The following TLE1 variants were observed in gnomAD, a reference collection of about 807,000 sequenced individuals.
TLE1 encodes the protein TLE family member 1, transcriptional corepressor, also known as transducin-like enhancer protein 1.
In TLE1, 21 loss-of-function variants were observed where a neutral mutation model predicts 89.8. The ratio of observed to expected loss-of-function variants is 0.23; its 90% CI spans 0.17 to 0.34. The LOEUF (loss-of-function observed/expected upper bound fraction) is 0.34, where lower values mean the gene tolerates loss of function less well. Ranked by LOEUF, TLE1 falls within the 10% of genes least tolerant of loss-of-function variation. TLE1 has a pLI of 1.00. For missense variants in TLE1, 795 were observed against 1,031.2 expected, an observed-to-expected ratio of 0.77 and a Z score of 3.14; for synonymous variants, 447 against 407.6, an observed-to-expected ratio of 1.10 and a Z score of -1.16.
chr9:81,585,784 G>T (rs1828321545), intron 17 of TLE1, 129 bp from the exon 18 acceptor site: 2 of 1,161,078 alleles, frequency 1.7e-6, no homozygotes, highest in South Asian at 1.6e-5. Flanking sequence ...CTGTGGGGAG[G>T]TCCACAGGGC....
At chr9:81,662,408 T>C (rs991351418) in intron 4 of TLE1, among the ~76,000 whole-genome samples, 2 of 146,882 alleles carry the variant, frequency 1.4e-5, no homozygotes, top group African/African-American at 2.5e-5. Flanking sequence ...TGTGTGTGTT[T>C]AAAGGGCCAG....
intron 6 of TLE1, among the ~76,000 whole-genome samples, chr9:81,647,683 G>A (rs1829022981): frequency 1.3e-5 from 2 of 152,178 alleles, no homozygotes; most frequent in African/African-American, 2.4e-5. Context: ...AGGGTGGGAA[G>A]GTAGACGGTA....
intron 8 of TLE1, among the ~76,000 whole-genome samples, chr9:81,628,977 C>T (rs1826240664): frequency 6.6e-6 from 1 of 152,190 alleles, no homozygotes; most frequent in African/African-American, 2.4e-5. Flanking sequence ...TATACACCGT[C>T]TGCTCTGGAG....
chr9:81,587,092 T>A (rs1191829926), intron 17 of TLE1, among the ~76,000 whole-genome samples: 1 of 152,218 alleles, frequency 6.6e-6, no homozygotes, highest in Non-Finnish European at 1.5e-5. Flanking sequence ...CTTTTCACAA[T>A]CTACAAAGTT....
chr9:81,594,873 A>G (rs1829994671), intron 14 of TLE1, among the ~76,000 whole-genome samples: 1 of 152,180 alleles, frequency 6.6e-6, no homozygotes, highest in South Asian at 2.1e-4. Context: ...AAACCCACAT[A>G]CATTTGCTTG....
At chr9:81,599,366 G>A (rs1446070352) in intron 14 of TLE1, among the ~76,000 whole-genome samples, 2 of 152,044 alleles carry the variant, frequency 1.3e-5, no homozygotes, top group Non-Finnish European at 2.9e-5. Context: ...CCCTCAAGAG[G>A]GATAACGTGG....
rs1312585788 is a variant in TLE1 at position 81,593,201 on chromosome 9, G to A, written c.1405C>T (p.Pro469Ser). The A allele has an allele frequency of 1.2e-6, 2 of 1,614,076 alleles. No individual in the cohort carries two copies. Among genetic ancestry groups the A allele is most frequent in the Admixed American group, 3.3e-5 (2 of 60,016 alleles). Reference protein sequence around the residue: ...VPFPPDALIGPGIPRHARQIN... With the variant: ...VPFPPDALIGSGIPRHARQIN... ...TGGCGAGCATGCCGGGGGATTCCGGGTCCGATGAGGGCGTCGGGGGGAAAA... is the reference window on the plus strand; with the variant it reads ...TGGCGAGCATGCCGGGGGATTCCGGATCCGATGAGGGCGTCGGGGGGAAAA... The change falls in exon 15 of 20, where the codon CCC becomes TCC. Residue 469 changes from proline (P) to serine (S), a missense_variant. This residue lies in a region of TLE1 where 468 missense variants were observed against 509.1 expected (regional missense o/e 0.92). Coordinates refer to ENST00000376499, the MANE Select transcript of TLE1 (RefSeq NM_005077.5).
chr9:81,654,587 C>A (rs955173496), intron 4 of TLE1, among the ~76,000 whole-genome samples: 1 of 152,134 alleles, frequency 6.6e-6, no homozygotes, highest in East Asian at 1.9e-4. Context: ...GTGATCCGCC[C>A]GCCTCGGCCT....
Position 81,587,790 on chromosome 9 carries a change from T to A in TLE1, c.1868A>T (p.Asp623Val). ...QGHTDGASCI[D>V]ISNDGTKLWT... ...GAGCTTGGTGCCATCATTAGAAATG[T>A]CAATACAGCTGGCTCCGTCTGTGTG... The change falls in exon 17 of 20, where the codon GAC becomes GTC. Residue 623 changes from aspartate (D) to valine (V), a missense_variant. Physicochemically the swap from Asp to Val is radical, Grantham distance 152 (BLOSUM62 -3). Coordinates refer to ENST00000376499, the MANE Select transcript of TLE1 (RefSeq NM_005077.5). The A allele has an allele frequency of 6.2e-7, 1 of 1,614,182 alleles. No individual in the cohort carries two copies. Among genetic ancestry groups the A allele is most frequent in the Non-Finnish European group, 8.5e-7 (1 of 1,180,034 alleles).
chr9:81,655,043 T>C (rs1229007846), intron 4 of TLE1, among the ~76,000 whole-genome samples: 1 of 152,066 alleles, frequency 6.6e-6, no homozygotes, highest in Non-Finnish European at 1.5e-5. Flanking sequence ...AAAGGTGTCC[T>C]TAGTGTCTAT....
At chr9:81,678,201 A>G (rs1833143234) in intron 4 of TLE1, among the ~76,000 whole-genome samples, 1 of 152,188 alleles carries the variant, frequency 6.6e-6, no homozygotes, top group Non-Finnish European at 1.5e-5. Context: ...GGTAAATAGA[A>G]TACAATTTAT....
At chr9:81,586,578 T>C (rs543816200) in intron 17 of TLE1, among the ~76,000 whole-genome samples, 1 of 152,338 alleles carries the variant, frequency 6.6e-6, no homozygotes, top group East Asian at 1.9e-4. Context: ...ATATGGTGCA[T>C]GGCTGTGCTT....
intron 16 of TLE1, among the ~76,000 whole-genome samples, chr9:81,589,908 G>A (rs555442286): frequency 5.3e-4 from 81 of 152,186 alleles, no homozygotes; most frequent in Middle Eastern, 6.8e-3. Flanking sequence ...CGCAGGGACC[G>A]GGCCCGGCTC....
intron 5 of TLE1, among the ~76,000 whole-genome samples, chr9:81,652,516 A>G (rs952568883): frequency 6.6e-6 from 1 of 152,216 alleles, no homozygotes; most frequent in Non-Finnish European, 1.5e-5. Flanking sequence ...TTCTGGCTGT[A>G]AATTTCGGCT....
intron 6 of TLE1, among the ~76,000 whole-genome samples, chr9:81,635,137 A>G (rs1827205396): frequency 6.6e-6 from 1 of 152,222 alleles, no homozygotes; most frequent in Non-Finnish European, 1.5e-5. Context: ...ATGCTGCCAC[A>G]GACAGGGGAG....
chr9:81,597,374 C>A (rs1830361792), intron 14 of TLE1, among the ~76,000 whole-genome samples: 1 of 151,994 alleles, frequency 6.6e-6, no homozygotes, highest in South Asian at 2.1e-4. Context: ...GGGAGGAAGA[C>A]GCAGGGTGGG....
intron 6 of TLE1, 100 bp from the exon 7 acceptor site, chr9:81,634,401 C>T: frequency 1.0e-6 from 1 of 992,080 alleles, no homozygotes; most frequent in Non-Finnish European, 1.4e-6. Flanking sequence ...ACAGACATGA[C>T]AGGAGGGGAA....
At chr9:81,603,535 G>C (rs973139670) in intron 14 of TLE1, among the ~76,000 whole-genome samples, 1 of 152,040 alleles carries the variant, frequency 6.6e-6, no homozygotes, top group East Asian at 1.9e-4. Context: ...ACCAGAGTCT[G>C]GGAATCAACA....
chr9:81,652,550 G>T (rs1415063257), intron 5 of TLE1, among the ~76,000 whole-genome samples: 1 of 152,114 alleles, frequency 6.6e-6, no homozygotes, highest in East Asian at 1.9e-4. Flanking sequence ...AACAAAAAAG[G>T]ACATAAAGAA....
Sources: gnomAD v4.1 joint callset for allele counts (sites outside exome capture counted in the v4.1 genomes callset) on GRCh38, gnomAD v4.1.1 for gene constraint, gnomAD v4.1.1 regional missense constraint, MANE v1.5 for transcripts, NCBI Gene and HGNC (gene_info 2026-07-23, HGNC 2026-07-21) for gene names.